Variants in RAP1GAP2 observed in about 807,000 individuals in gnomAD.
RAP1GAP2 encodes RAP1 GTPase activating protein 2.
RAP1GAP2 carries 27 observed loss-of-function variants against 95.0 expected under a neutral mutation model. That is an observed-to-expected ratio of 0.28 (90% CI 0.21 to 0.39). RAP1GAP2 has a LOEUF of 0.39. Among genes scored for constraint, RAP1GAP2 ranks in the 10% least tolerant of loss-of-function variants. The pLI is 1.00. For synonymous variants in RAP1GAP2, 373 were observed against 380.9 expected (o/e 0.98, Z 0.24); for missense variants, 771 against 970.0 (o/e 0.79, Z 2.72).
intron 4 of RAP1GAP2, among the ~76,000 whole-genome samples, chr17:2,959,565 C>T (rs1352619043): frequency 6.6e-6 from 1 of 152,202 alleles, no homozygotes. Context: ...CTCCATCTCT[C>T]TTCATCTTGC....
At chr17:2,767,239 G>A (rs952864682) in intron 1 of RAP1GAP2, among the ~76,000 whole-genome samples, 1 of 151,424 alleles carries the variant, frequency 6.6e-6, no homozygotes, top group South Asian at 2.1e-4. Flanking sequence ...ACAGATGCCT[G>A]TAATCCCAGC....
At chr17:2,821,541 ATT>A (rs879432850) in intron 2 of RAP1GAP2, among the ~76,000 whole-genome samples, 1 of 145,508 alleles carries the variant, frequency 6.9e-6, no homozygotes, top group Non-Finnish European at 1.5e-5. Context: ...TGCCTGGCTA[ATT>A]TTTTTTTTTT....
chr17:3,029,622 AGAGGT>A lies in RAP1GAP2; in HGVS notation c.2108-1298_2108-1294del, dbSNP rs575698704. 2.0e-5 allele frequency among the ~76,000 whole-genome samples: 3 copies of A among 152,124 alleles called. No homozygotes were observed. Among genetic ancestry groups the A allele is most frequent in the Non-Finnish European group, 4.4e-5 (3 of 68,016 alleles). On this transcript the variant is annotated intron_variant, in intron 22 of 24. Transcript: ENST00000254695. The surrounding 1 kb of genome is among the most constrained non-coding windows in gnomAD (Gnocchi z 4.4). The stretch of plus-strand genomic sequence containing the variant: ...ACAGAAGAGGACTGATAGGTTACAC[AGAGGT>A]GTTGTAGCCCTGGGTGGAACTCCTC...
intron 3 of RAP1GAP2, among the ~76,000 whole-genome samples, chr17:2,912,965 G>A (rs2042439550): frequency 6.6e-6 from 1 of 152,030 alleles, no homozygotes; most frequent in Non-Finnish European, 1.5e-5. Flanking sequence ...ATCCCTTGAG[G>A]CCAGGAGTTT....
intron 3 of RAP1GAP2, among the ~76,000 whole-genome samples, chr17:2,928,772 G>T (rs1256019332): frequency 4.6e-5 from 7 of 152,072 alleles, no homozygotes; most frequent in African/African-American, 9.7e-5. Context: ...GACCCAGATG[G>T]TCTCTTCTGG....
chr17:2,770,627 G>A (rs1178875472), intron 2 of RAP1GAP2, among the ~76,000 whole-genome samples: 1 of 152,266 alleles, frequency 6.6e-6, no homozygotes, highest in African/African-American at 2.4e-5. Context: ...CACCTCGAAT[G>A]CACTGAGGCA....
At position 2,957,833 on chromosome 17, in the gene RAP1GAP2, G is replaced by A. The variant is rs1597720092; in HGVS notation, c.201+39G>A. Reference sequence around the variant, plus strand: ...CCCACCGTGGCGGGGAAGAAGCCCAGCCCCAGATGTGGGTGGCATAGGGAC... The same window carrying A: ...CCCACCGTGGCGGGGAAGAAGCCCAACCCCAGATGTGGGTGGCATAGGGAC... On this transcript the variant is annotated intron_variant, in intron 4 of 24. Coordinates refer to ENST00000254695, the MANE Select transcript of RAP1GAP2 (RefSeq NM_015085.5). 1.9e-6 allele frequency: 3 copies of A among 1,555,468 alleles called. No homozygotes were observed. In the East Asian group the frequency reaches 7.3e-5, roughly 38 times the overall value.
intron 3 of RAP1GAP2, among the ~76,000 whole-genome samples, chr17:2,931,351 TGTTGTATCAA>T (rs1301077690): frequency 6.6e-6 from 1 of 151,610 alleles, no homozygotes; most frequent in Non-Finnish European, 1.5e-5. Flanking sequence ...GTTAGTTCTT[TGTTGTATCAA>T]GTGTTTTGGA....
At chr17:2,790,915 G>A (rs546275742) in intron 1 of RAP1GAP2, among the ~76,000 whole-genome samples, 344 of 152,324 alleles carry the variant, frequency 2.3e-3, no homozygotes, top group African/African-American at 7.8e-3. Flanking sequence ...GCCCGTAGAG[G>A]CCGGGCGCTG....
chr17:3,020,622 G>A, intron 19 of RAP1GAP2, 27 bp downstream of exon 19: 1 of 1,593,210 alleles, frequency 6.3e-7, no homozygotes, highest in Non-Finnish European at 8.6e-7. Flanking sequence ...CCCTACCCCA[G>A]CCTGACTTGC....
At chr17:2,905,465 G>A (rs953543606) in intron 3 of RAP1GAP2, 97 bp downstream of exon 3, 73 of 1,223,052 alleles carry the variant, frequency 6.0e-5, no homozygotes, top group Non-Finnish European at 7.8e-5. Flanking sequence ...AGCGTCCGTC[G>A]CAGTGGGGCT....
chr17:2,841,563 C>T (rs947242999), intron 2 of RAP1GAP2, among the ~76,000 whole-genome samples: 3 of 151,960 alleles, frequency 2.0e-5, no homozygotes, highest in South Asian at 2.1e-4. Context: ...GCCTCGGCCT[C>T]GGAAAGTGCT....
intron 12 of RAP1GAP2, among the ~76,000 whole-genome samples, chr17:2,993,400 C>G (rs1034950885): frequency 6.7e-6 from 1 of 149,758 alleles, no homozygotes; most frequent in Non-Finnish European, 1.5e-5. Context: ...GGTGAAACCA[C>G]GTCTCTACTA....
chr17:2,967,854 A>G (rs1180075216), intron 8 of RAP1GAP2, among the ~76,000 whole-genome samples: 2 of 152,170 alleles, frequency 1.3e-5, no homozygotes, highest in East Asian at 3.8e-4. Flanking sequence ...GATGTCCCAA[A>G]TTTATAACAA....
chr17:3,019,174 G>A (rs1393970956), intron 18 of RAP1GAP2, among the ~76,000 whole-genome samples: 1 of 152,210 alleles, frequency 6.6e-6, no homozygotes, highest in Non-Finnish European at 1.5e-5. Context: ...GGGTCCTGCA[G>A]GCCTGTGAGT....
chr17:2,888,352 A>T (rs1021873267), intron 2 of RAP1GAP2, among the ~76,000 whole-genome samples: 26 of 152,226 alleles, frequency 1.7e-4, no homozygotes, highest in Non-Finnish European at 3.5e-4. Flanking sequence ...ACAAGGCTAC[A>T]GAATACTAGA....
In RAP1GAP2 at chr17:2,963,237, T is replaced by C; in HGVS notation, c.247-193T>C. ...CATCATCAGCTGGCAGGGTTTATGTTTGGGTTCTGTCAGTTTGGAGAAGAA... is the reference window on the plus strand; with the variant it reads ...CATCATCAGCTGGCAGGGTTTATGTCTGGGTTCTGTCAGTTTGGAGAAGAA... On this transcript the variant is annotated intron_variant, in intron 5 of 24. Transcript: ENST00000254695. This position sits in a 1 kb window ranked among gnomAD's most constrained non-coding sequence, Gnocchi z 4.8. 1.5e-6 allele frequency: 1 copy of C among 674,444 alleles called. No homozygotes were observed. The highest frequency in any genetic ancestry group is 1.8e-5 in the South Asian group (1 of 56,756). The allele number at this position is 674,444 out of a possible 1,614,324, so 41.8% of individuals were successfully genotyped here.
Position 3,013,605 on chromosome 17 carries a change from C to T in RAP1GAP2, c.1495-4456C>T, listed in dbSNP as rs938878871. Among the ~76,000 whole-genome samples, 3 of 148,948 alleles carry T rather than the reference C, an allele frequency of 2.0e-5. No individual in the cohort carries two copies. The South Asian group carries it at 6.3e-4, about 32-fold the overall frequency. On this transcript the variant is annotated intron_variant, in intron 17 of 24. Transcript: ENST00000254695. ...AGCCAGTGTCCTCCCTGACACCAGC[C>T]TCTGAGTTTTTCTTTTCTTTTCTTT...
At chr17:2,760,030 C>A (rs2071213479) in intron 1 of RAP1GAP2, among the ~76,000 whole-genome samples, 1 of 152,208 alleles carries the variant, frequency 6.6e-6, no homozygotes, top group Non-Finnish European at 1.5e-5. Context: ...CAATTTTGCT[C>A]ATGCTGCGAT....
Sources: gnomAD v4.1 joint callset for allele counts (sites outside exome capture counted in the v4.1 genomes callset) on GRCh38, gnomAD v4.1.1 for gene constraint, Gnocchi (gnomAD v3.1) non-coding constraint, MANE v1.5 for transcripts, NCBI Gene and HGNC (gene_info 2026-07-23, HGNC 2026-07-21) for gene names.